PARP11: variants seen among roughly 807,000 people sequenced by gnomAD.
PARP11 encodes poly(ADP-ribose) polymerase family member 11, also known as protein mono-ADP-ribosyltransferase PARP11.
In PARP11, 31 loss-of-function variants were observed where a neutral mutation model predicts 42.9. That is an observed-to-expected ratio of 0.72 (90% CI 0.54 to 0.98). PARP11 has a LOEUF of 0.98. PARP11 is among the 50% of genes least tolerant of loss of function. PARP11 has a pLI of 0.00. For missense variants in PARP11, 365 were observed against 413.1 expected (o/e 0.88, Z 1.01); for synonymous variants, 137 against 127.3 (o/e 1.08, Z -0.51).
At chr12:3,870,112 G>A (rs150528667) in intron 1 of PARP11, among the ~76,000 whole-genome samples, 58 of 152,136 alleles carry the variant, frequency 3.8e-4, no homozygotes, top group African/African-American at 1.2e-3. Flanking sequence ...TTTTCAGACC[G>A]CAGCTGACTT....
chr12:3,819,981 C>T (rs963778984), intron 6 of PARP11, among the ~76,000 whole-genome samples: 1 of 152,168 alleles, frequency 6.6e-6, no homozygotes, highest in Non-Finnish European at 1.5e-5. Flanking sequence ...TGCCCTTCTC[C>T]TATCCAACTG....
At chr12:3,841,937 C>G in intron 1 of PARP11, 3 of 1,607,692 alleles carry the variant, frequency 1.9e-6, no homozygotes, top group Non-Finnish European at 2.6e-6. Flanking sequence ...CATGTACATT[C>G]TCTCCCTGAA....
At chr12:3,833,579 G>A (rs1279798799) in intron 1 of PARP11, among the ~76,000 whole-genome samples, 3 of 152,166 alleles carry the variant, frequency 2.0e-5, no homozygotes, top group African/African-American at 7.2e-5. Context: ...ACTCCAGCTT[G>A]ACACGGCAGA....
chr12:3,849,697 A>G (rs559691759), intron 1 of PARP11, among the ~76,000 whole-genome samples: 2 of 152,268 alleles, frequency 1.3e-5, no homozygotes, highest in South Asian at 2.1e-4. Context: ...AATGGGTATA[A>G]ATATACAGTT....
At chr12:3,850,336 A>T (rs1948075401) in intron 1 of PARP11, among the ~76,000 whole-genome samples, 1 of 152,172 alleles carries the variant, frequency 6.6e-6, no homozygotes, top group South Asian at 2.1e-4. Flanking sequence ...AAAATCTGAA[A>T]TCAGAATTCC....
chr12:3,862,222 T>C (rs1304940228), intron 1 of PARP11, among the ~76,000 whole-genome samples: 1 of 152,166 alleles, frequency 6.6e-6, no homozygotes, highest in Non-Finnish European at 1.5e-5. Flanking sequence ...CCAGGAGTTT[T>C]AGACTAGATC....
intron 6 of PARP11, among the ~76,000 whole-genome samples, chr12:3,817,348 T>C (rs1024762600): frequency 3.3e-5 from 5 of 152,130 alleles, no homozygotes; most frequent in African/African-American, 1.2e-4. Context: ...CAACGCTTAC[T>C]TACTAGATTA....
At position 3,829,973 on chromosome 12, in the gene PARP11, T is replaced by G. The variant is rs759354996; in HGVS notation, c.64A>C (p.Asn22His). Residue 22 changes from asparagine to histidine, a missense_variant, in exon 2 of 8, where the codon AAT becomes CAT. Asn to His is a moderately conservative substitution (Grantham distance 68). Coordinates refer to ENST00000228820, the MANE Select transcript of PARP11 (RefSeq NM_020367.6). The part of the protein sequence containing the change: ...AEELFSKTTN[N>H]EVDDMDTSDT... Reference sequence around the variant, plus strand: ...GACGTGTCCATGTCATCCACTTCATTGTTTGTTGTTTTAGAAAATAATTCT... The same window carrying G: ...GACGTGTCCATGTCATCCACTTCATGGTTTGTTGTTTTAGAAAATAATTCT... 2 of 1,613,818 alleles carry G rather than the reference T, an allele frequency of 1.2e-6. No individual in the cohort carries two copies. The highest frequency in any genetic ancestry group is 2.2e-5 in the South Asian group (2 of 91,066).
At chr12:3,832,281 T>C (rs73251465) in intron 1 of PARP11, 1,858 of 180,820 alleles carry the variant, frequency 0.01, 42 homozygotes, top group African/African-American at 0.042. Flanking sequence ...ATTTTTTTCG[T>C]CCACAATCCA....
intron 1 of PARP11, among the ~76,000 whole-genome samples, chr12:3,834,437 A>G (rs1469068445): frequency 6.6e-6 from 1 of 152,084 alleles, no homozygotes; most frequent in East Asian, 1.9e-4. Context: ...GTTTGAGACC[A>G]GCCTGGCCAA....
intron 1 of PARP11, among the ~76,000 whole-genome samples, chr12:3,847,094 C>A (rs1359905870): frequency 1.3e-5 from 2 of 151,836 alleles, no homozygotes; most frequent in Non-Finnish European, 2.9e-5. Context: ...AAAAAGAAAA[C>A]AGAAGAAGAG....
At chr12:3,820,233 T>G (rs1318184651) in intron 6 of PARP11, among the ~76,000 whole-genome samples, 1 of 152,186 alleles carries the variant, frequency 6.6e-6, no homozygotes, top group Non-Finnish European at 1.5e-5. Flanking sequence ...GTGGGGAAAG[T>G]AAGAGAGGCC....
intron 6 of PARP11, among the ~76,000 whole-genome samples, chr12:3,816,037 C>G (rs932174378): frequency 3.3e-5 from 5 of 152,130 alleles, no homozygotes; most frequent in African/African-American, 1.2e-4. Context: ...CTTTTCAGAC[C>G]ATTAAGCATG....
chr12:3,840,992 C>T lies in PARP11; in HGVS notation c.19-10974G>A, dbSNP rs114940764. Reference sequence around the variant, plus strand: ...AGTGAACCTACAACTTTTGGACCAACAGGTGTCCCTGCTCCAATTCCTGGT... The same window carrying T: ...AGTGAACCTACAACTTTTGGACCAATAGGTGTCCCTGCTCCAATTCCTGGT... On this transcript the variant is annotated intron_variant, in intron 1 of 7. Transcript: ENST00000228820. The surrounding 1 kb of genome is among the most constrained non-coding windows in gnomAD (Gnocchi z 4.4). The T allele has an allele frequency of 0.12, 190,478 of 1,602,962 alleles. 13,867 individuals are homozygous for T. The highest frequency in any genetic ancestry group is 0.34 in the Admixed American group (20,344 of 59,994).
intron 1 of PARP11, among the ~76,000 whole-genome samples, chr12:3,852,412 C>T (rs1948114183): frequency 6.6e-6 from 1 of 152,132 alleles, no homozygotes; most frequent in South Asian, 2.1e-4. Flanking sequence ...GAATGGCTAA[C>T]TAGAACAAAC....
intron 4 of PARP11, among the ~76,000 whole-genome samples, chr12:3,823,394 T>C (rs1181214536): frequency 6.6e-6 from 1 of 152,162 alleles, no homozygotes; most frequent in Non-Finnish European, 1.5e-5. Context: ...ATACATTTAT[T>C]GCACCTGTTT....
intron 1 of PARP11, among the ~76,000 whole-genome samples, chr12:3,842,796 T>TA (rs1186705744): frequency 6.6e-6 from 1 of 152,216 alleles, no homozygotes; most frequent in Non-Finnish European, 1.5e-5. Context: ...ATAAGCAGCT[T>TA]AATATAAAAC....
chr12:3,859,179 G>A (rs187156169), intron 1 of PARP11, among the ~76,000 whole-genome samples: 35 of 151,970 alleles, frequency 2.3e-4, no homozygotes, highest in Middle Eastern at 3.4e-3. Context: ...ATAAATTCAT[G>A]TTTAGACTTG....
At chr12:3,870,907 G>T (rs1228173816) in intron 1 of PARP11, among the ~76,000 whole-genome samples, 1 of 152,160 alleles carries the variant, frequency 6.6e-6, no homozygotes, top group African/African-American at 2.4e-5. Context: ...TATAAGCAGA[G>T]AGCACATTCT....
Sources: allele counts gnomAD v4.1 joint callset (sites outside exome capture counted in the v4.1 genomes callset), GRCh38; gene constraint gnomAD v4.1.1; non-coding constraint Gnocchi (gnomAD v3.1); transcripts MANE v1.5; gene names NCBI Gene and HGNC (gene_info 2026-07-23, HGNC 2026-07-21).